Variants in SH3PXD2B observed in about 807,000 individuals in gnomAD.
The protein encoded by SH3PXD2B is SH3 and PX domains 2B, also known as SH3 and PX domain-containing protein 2B.
In SH3PXD2B, 37 loss-of-function variants were observed where a neutral mutation model predicts 73.1. The observed-to-expected ratio is 0.51, with a 90% CI of 0.39 to 0.67. The LOEUF (loss-of-function observed/expected upper bound fraction) is 0.67, where lower values mean the gene tolerates loss of function less well. SH3PXD2B is among the 30% of genes least tolerant of loss of function. The pLI is 0.00. For synonymous variants in SH3PXD2B, 457 were observed against 480.5 expected (o/e 0.95, Z 0.64); for missense variants, 1,053 against 1,197.8 (o/e 0.88, Z 1.78).
chr5:172,425,286 A>G (rs1289622677), intron 1 of SH3PXD2B, among the ~76,000 whole-genome samples: 1 of 151,994 alleles, frequency 6.6e-6, no homozygotes, highest in African/African-American at 2.4e-5. Context: ...TTGAGATACT[A>G]TGGGGAGCAA....
At chr5:172,424,223 G>C (rs865874321) in intron 1 of SH3PXD2B, among the ~76,000 whole-genome samples, 18 of 152,302 alleles carry the variant, frequency 1.2e-4, no homozygotes, top group Admixed American at 3.3e-4. Flanking sequence ...GTTCAAGTTG[G>C]GTTTCTGACC....
chr5:172,427,844 C>G (rs1210935135), intron 1 of SH3PXD2B, among the ~76,000 whole-genome samples: 1 of 148,612 alleles, frequency 6.7e-6, no homozygotes, highest in African/African-American at 2.5e-5. Context: ...GTGGGGTGAT[C>G]TCGGCTCACC....
chr5:172,454,177 G>C, intron 1 of SH3PXD2B, 101 bp downstream of exon 1: 1 of 952,134 alleles, frequency 1.1e-6, no homozygotes, highest in Non-Finnish European at 1.5e-6. Flanking sequence ...GGGAGGAGGG[G>C]ACGGGAAGCG....
Position 172,337,501 on chromosome 5 carries a change from C to G in SH3PXD2B, c.*868G>C. On this transcript the variant is annotated 3_prime_UTR_variant, in exon 13 of 13. Transcript: ENST00000311601. ...CAGTGTTTGGCACCCACGAGGCACTCAGCAAAGGGGTGCTCACAAGGGCAC... is the reference window on the plus strand; with the variant it reads ...CAGTGTTTGGCACCCACGAGGCACTGAGCAAAGGGGTGCTCACAAGGGCAC... 1.0e-6 allele frequency: 1 copy of G among 985,524 alleles called. No homozygotes were observed. Among genetic ancestry groups the G allele is most frequent in the Non-Finnish European group, 1.2e-6 (1 of 829,978 alleles). 61.0% of individuals were successfully genotyped at this position (985,524 alleles called of 1,614,324 possible). A position where few individuals can be genotyped will look rare whatever the true frequency, so the allele number is the denominator to read the frequency against.
intron 2 of SH3PXD2B, among the ~76,000 whole-genome samples, chr5:172,419,267 T>G (rs1758900420): frequency 6.6e-6 from 1 of 152,036 alleles, no homozygotes; most frequent in African/African-American, 2.4e-5. Flanking sequence ...CCTGGACGCG[T>G]GCCTCGACAT....
chr5:172,334,030 G>C lies in SH3PXD2B; in HGVS notation c.*4339C>G. On this transcript the variant is annotated 3_prime_UTR_variant, in exon 13 of 13. Coordinates refer to ENST00000311601, the MANE Select transcript of SH3PXD2B (RefSeq NM_001017995.3). ...CATGAATAGGACATCTAAAAGTGAAGGCTACCGACTGTGGCACTGCGTTTG... is the reference window on the plus strand; with the variant it reads ...CATGAATAGGACATCTAAAAGTGAACGCTACCGACTGTGGCACTGCGTTTG... 2 of 1,176,064 alleles carry C rather than the reference G, an allele frequency of 1.7e-6. No individual in the cohort carries two copies. Among genetic ancestry groups the C allele is most frequent in the Non-Finnish European group, 2.1e-6 (2 of 940,798 alleles). The allele number at this position is 1,176,064 out of a possible 1,614,324, so 72.9% of individuals were successfully genotyped here. A position where few individuals can be genotyped will look rare whatever the true frequency, so the allele number is the denominator to read the frequency against.
At chr5:172,333,448 C>T (rs1012232364), downstream of SH3PXD2B, 15 of 1,053,218 alleles carry the variant, frequency 1.4e-5, no homozygotes, top group Admixed American at 9.8e-5. Context: ...TCCCAGGCCA[C>T]AAAGCTATGT....
At chr5:172,362,932 A>G (rs1307190201) in intron 6 of SH3PXD2B, 63 bp from the exon 7 acceptor site, 17 of 1,608,000 alleles carry the variant, frequency 1.1e-5, no homozygotes, top group Non-Finnish European at 1.4e-5. Flanking sequence ...CAGGAGTCAG[A>G]GCAGTAGGGC....
chr5:172,453,222 A>G (rs979712324), intron 1 of SH3PXD2B, among the ~76,000 whole-genome samples: 1 of 151,644 alleles, frequency 6.6e-6, no homozygotes, highest in African/African-American at 2.4e-5. Flanking sequence ...CTTTGTTAGG[A>G]TTTTTTCCCT....
chr5:172,331,192 T>C (rs1460375761), downstream of SH3PXD2B, among the ~76,000 whole-genome samples: 1 of 152,018 alleles, frequency 6.6e-6, no homozygotes, highest in Admixed American at 6.6e-5. Context: ...GAGACTCTTG[T>C]CCAAAAAAAT....
intron 6 of SH3PXD2B, among the ~76,000 whole-genome samples, chr5:172,365,452 A>G (rs972957736): frequency 2.0e-5 from 3 of 152,344 alleles, no homozygotes; most frequent in Middle Eastern, 3.4e-3. Context: ...AGAAAAGATA[A>G]GATGACGGAG....
downstream of SH3PXD2B, among the ~76,000 whole-genome samples, chr5:172,329,540 C>CTTTTTTTTTTTTTTTTTTTT (rs370876232): frequency 4.5e-3 from 480 of 106,406 alleles, 42 homozygotes; most frequent in East Asian, 7.9e-3. Context: ...CTTTGTTATT[C>CTTTTTTTTTTTTTTTTTTTT]TTTTTTTTTT....
At chr5:172,433,019 C>T (rs759560423) in intron 1 of SH3PXD2B, among the ~76,000 whole-genome samples, 26 of 151,740 alleles carry the variant, frequency 1.7e-4, no homozygotes, top group Non-Finnish European at 3.2e-4. Flanking sequence ...CACCACCTAA[C>T]GTTTTCCAAT....
chr5:172,411,006 G>A (rs1263155226), intron 2 of SH3PXD2B, among the ~76,000 whole-genome samples: 2 of 152,158 alleles, frequency 1.3e-5, no homozygotes, highest in African/African-American at 4.8e-5. Context: ...AGTGTCACGT[G>A]AACACAAAAG....
At chr5:172,394,453 A>T (rs917194347) in intron 4 of SH3PXD2B, 110 bp downstream of exon 4, 16 of 1,113,274 alleles carry the variant, frequency 1.4e-5, no homozygotes, top group African/African-American at 3.1e-5. Context: ...ATTTCTTTAC[A>T]TTCCTTTGAA....
At chr5:172,386,075 G>C (rs1414994340) in intron 4 of SH3PXD2B, among the ~76,000 whole-genome samples, 1 of 152,186 alleles carries the variant, frequency 6.6e-6, no homozygotes, top group East Asian at 1.9e-4. Flanking sequence ...CTTGCAGAGG[G>C]TAACAATAAA....
intron 6 of SH3PXD2B, among the ~76,000 whole-genome samples, chr5:172,363,652 C>G (rs1757445286): frequency 6.6e-6 from 1 of 151,992 alleles, no homozygotes; most frequent in Non-Finnish European, 1.5e-5. Context: ...GGGGGAAGAG[C>G]AGCGTAGGCA....
At chr5:172,436,004 A>G (rs976594662) in intron 1 of SH3PXD2B, among the ~76,000 whole-genome samples, 1 of 152,228 alleles carries the variant, frequency 6.6e-6, no homozygotes, top group Non-Finnish European at 1.5e-5. Context: ...GTCTAGATCA[A>G]TCCCTCCATT....
intron 2 of SH3PXD2B, among the ~76,000 whole-genome samples, chr5:172,419,348 T>C (rs574111436): frequency 1.4e-4 from 22 of 151,774 alleles, no homozygotes; most frequent in African/African-American, 5.4e-4. Flanking sequence ...ATTAAATCTC[T>C]TCCAGATGAC....
Sources: allele counts gnomAD v4.1 joint callset (sites outside exome capture counted in the v4.1 genomes callset), GRCh38; gene constraint gnomAD v4.1.1; transcripts MANE v1.5; gene names NCBI Gene and HGNC (gene_info 2026-07-23, HGNC 2026-07-21).